Variants in ZXDC observed in about 807,000 individuals in gnomAD.
The protein encoded by ZXDC is zinc finger protein ZXDC.
In ZXDC, 58 loss-of-function variants were observed where a neutral mutation model predicts 63.6. The ratio of observed to expected loss-of-function variants is 0.91; its 90% CI spans 0.74 to 1.13. ZXDC has a LOEUF of 1.13. Among genes scored for constraint, ZXDC ranks in the 50% most tolerant of loss-of-function variants. The pLI, the probability that ZXDC is intolerant of heterozygous loss-of-function variation, is 0.00. For synonymous variants in ZXDC, 561 were observed against 496.1 expected (o/e 1.13, Z -1.74); for missense variants, 1,133 against 1,148.9 (o/e 0.99, Z 0.20).
intron 8 of ZXDC, chr3:126,440,114 C>A: frequency 9.7e-7 from 1 of 1,030,480 alleles, no homozygotes; most frequent in Non-Finnish European, 1.2e-6. Flanking sequence ...CCTCGGGCCC[C>A]ACAGAGGGCC....
intron 4 of ZXDC, among the ~76,000 whole-genome samples, chr3:126,469,784 C>T (rs772070441): frequency 6.6e-6 from 1 of 152,158 alleles, no homozygotes; most frequent in South Asian, 2.1e-4. Context: ...CCCTGCAGCA[C>T]CCTACATGTT....
chr3:126,447,789 C>T (rs1446497016), intron 7 of ZXDC, among the ~76,000 whole-genome samples: 1 of 152,254 alleles, frequency 6.6e-6, no homozygotes, highest in Non-Finnish European at 1.5e-5. Flanking sequence ...TCTCTTGCGG[C>T]ATTTGCTGTG....
intron 7 of ZXDC, among the ~76,000 whole-genome samples, chr3:126,448,141 G>C (rs1271830908): frequency 6.6e-6 from 1 of 152,256 alleles, no homozygotes. Context: ...GCTTAGAACT[G>C]TGCAGGGCAC....
intron 7 of ZXDC, chr3:126,457,158 G>A: frequency 1.6e-6 from 1 of 607,992 alleles, no homozygotes; most frequent in Non-Finnish European, 2.1e-6. Context: ...GGGGGAGTCT[G>A]GTCACATTCA....
At chr3:126,464,032 A>G (rs998634964) in intron 5 of ZXDC, among the ~76,000 whole-genome samples, 4 of 152,228 alleles carry the variant, frequency 2.6e-5, no homozygotes, top group African/African-American at 9.7e-5. Flanking sequence ...AAAAATGGAA[A>G]ACTATGTCAG....
intron 7 of ZXDC, chr3:126,451,899 G>A (rs1934118306): frequency 6.1e-6 from 6 of 985,228 alleles, no homozygotes; most frequent in East Asian, 1.1e-4. Flanking sequence ...GTTTTTGTGA[G>A]GCGTGAACAG....
At chr3:126,438,620 A>G (rs1422927573) in intron 9 of ZXDC, among the ~76,000 whole-genome samples, 159 bp from the exon 10 acceptor site, 2 of 98,328 alleles carry the variant, frequency 2.0e-5, no homozygotes, top group African/African-American at 1.2e-4. Flanking sequence ...ATGTTCTTTG[A>G]TGAAAAATGA....
At chr3:126,448,563 C>A (rs1336594962) in intron 7 of ZXDC, among the ~76,000 whole-genome samples, 1 of 152,150 alleles carries the variant, frequency 6.6e-6, no homozygotes, top group Non-Finnish European at 1.5e-5. Context: ...ACAGGCATCC[C>A]GGGCAGGCAC....
At chr3:126,460,257 G>A in intron 6 of ZXDC, 1 of 625,886 alleles carries the variant, frequency 1.6e-6, no homozygotes, top group Non-Finnish European at 2.0e-6. Context: ...GCCTGAGGGA[G>A]TCAGACAGTA....
At chr3:126,447,514 C>T (rs145991177) in intron 7 of ZXDC, among the ~76,000 whole-genome samples, 12 of 152,308 alleles carry the variant, frequency 7.9e-5, no homozygotes, top group African/African-American at 2.9e-4. Context: ...TCATCATTCT[C>T]TCCTTTCTAT....
Position 126,475,512 on chromosome 3 carries a change from G to A in ZXDC, c.354C>T (p.Pro118=), listed in dbSNP as rs1470507894. ...PEQGPSGPAA[P]PGPGVAPAGA... Reference sequence around the variant, plus strand: ...CCGCCGGGGCTACGCCAGGGCCGGGGGGGGCGGCCGGGCCGCTGGGGCCCT... The same window carrying A: ...CCGCCGGGGCTACGCCAGGGCCGGGAGGGGCGGCCGGGCCGCTGGGGCCCT... Residue 118 remains proline, a synonymous_variant, in exon 1 of 10, where the codon CCC becomes CCT. Coordinates refer to ENST00000389709, the MANE Select transcript of ZXDC (RefSeq NM_025112.5). 3.2e-6 allele frequency: 4 copies of A among 1,247,818 alleles called. No individual in the cohort carries two copies. The highest frequency in any genetic ancestry group is 4.0e-6 in the Non-Finnish European group (4 of 998,880). The allele number at this position is 1,247,818 out of a possible 1,614,324, so 77.3% of individuals were successfully genotyped here.
chr3:126,441,047 G>A, intron 8 of ZXDC: 1 of 985,568 alleles, frequency 1.0e-6, no homozygotes, highest in Non-Finnish European at 1.2e-6. Flanking sequence ...AACCCAGACA[G>A]CCCCGGCTTG....
chr3:126,470,877 C>A lies in ZXDC; in HGVS notation c.1270+18G>T, dbSNP rs781006523. 9.3e-6 allele frequency: 15 copies of A among 1,613,568 alleles called. No homozygotes were observed. The highest frequency in any genetic ancestry group is 1.3e-5 in the African/African-American group (1 of 75,056). ...ATTGCACTTAGTTTACTGCTCAAAG[C>A]AATGTTTTAAAATCTACCTTCCACA... On this transcript the variant is annotated intron_variant, in intron 4 of 9. Transcript: ENST00000389709.
In ZXDC at chr3:126,475,530, G is replaced by A; in HGVS notation, c.336C>T (p.Pro112=). Residue 112 remains proline (P), a synonymous_variant, in exon 1 of 10, where the codon CCC becomes CCT. Coordinates refer to ENST00000389709, the MANE Select transcript of ZXDC (RefSeq NM_025112.5). ...VNLASRPEQG[P]SGPAAPPGPG... is the part of the protein sequence containing the mutation. ...GGCCGGGGGGGGCGGCCGGGCCGCT[G>A]GGGCCCTGCTCGGGGCGGCTCGCCA... is the stretch of plus-strand genomic sequence containing the variant. 1 of 1,286,336 alleles carries A rather than the reference G, an allele frequency of 7.8e-7. No individual in the cohort carries two copies. The allele number at this position is 1,286,336 out of a possible 1,614,324, so 79.7% of individuals were successfully genotyped here. A position where few individuals can be genotyped will look rare whatever the true frequency, so the allele number is the denominator to read the frequency against.
chr3:126,444,996 CATG>C (rs1933827038), intron 7 of ZXDC, among the ~76,000 whole-genome samples: 1 of 152,168 alleles, frequency 6.6e-6, no homozygotes, highest in Admixed American at 6.6e-5. Flanking sequence ...GAGAATATCT[CATG>C]ACAAGCTAAA....
chr3:126,474,761 A>C (rs575138654), intron 1 of ZXDC, among the ~76,000 whole-genome samples, 198 bp downstream of exon 1: 1 of 152,352 alleles, frequency 6.6e-6, no homozygotes, highest in African/African-American at 2.4e-5. Flanking sequence ...GATCTGCGCT[A>C]CCTGCCATCG....
At chr3:126,467,132 C>G (rs771696923) in intron 4 of ZXDC, among the ~76,000 whole-genome samples, 1 of 152,110 alleles carries the variant, frequency 6.6e-6, no homozygotes, top group Non-Finnish European at 1.5e-5. Context: ...ACACACCTCC[C>G]GAGAAGGCAG....
chr3:126,452,345 G>T, intron 7 of ZXDC: 1 of 985,450 alleles, frequency 1.0e-6, no homozygotes, highest in African/African-American at 1.7e-5. Flanking sequence ...TGTGGGAAGA[G>T]TGAGAGGCTT....
At chr3:126,465,962 C>T (rs1385940457) in intron 5 of ZXDC, among the ~76,000 whole-genome samples, 193 bp downstream of exon 5, 7 of 152,098 alleles carry the variant, frequency 4.6e-5, no homozygotes, top group African/African-American at 1.7e-4. Flanking sequence ...AAACAAAAGA[C>T]ATGGGAGGGA....
Sources: allele counts gnomAD v4.1 joint callset (sites outside exome capture counted in the v4.1 genomes callset), GRCh38; gene constraint gnomAD v4.1.1; transcripts MANE v1.5; gene names NCBI Gene and HGNC (gene_info 2026-07-23, HGNC 2026-07-21).